Variants in USP45 observed in about 807,000 individuals in gnomAD.
USP45 encodes ubiquitin carboxyl-terminal hydrolase 45.
A neutral mutation model predicts 95.8 loss-of-function variants in USP45; 89 were observed. That is an observed-to-expected ratio of 0.93 (90% CI 0.78 to 1.11). The LOEUF (loss-of-function observed/expected upper bound fraction) is 1.11. Ranked by LOEUF, USP45 falls within the 50% of genes least tolerant of loss-of-function variation. USP45 has a pLI of 0.00. For synonymous variants in USP45, 281 were observed against 316.2 expected, an observed-to-expected ratio of 0.89 and a Z score of 1.18; for missense variants, 898 against 942.5, an observed-to-expected ratio of 0.95 and a Z score of 0.62.
chr6:99,452,303 A>C (rs1784058389), intron 13 of USP45, among the ~76,000 whole-genome samples: 1 of 152,242 alleles, frequency 6.6e-6, no homozygotes, highest in Admixed American at 6.5e-5. Flanking sequence ...AAATATCCAG[A>C]ATCTACAAAG....
intron 8 of USP45, among the ~76,000 whole-genome samples, chr6:99,479,512 C>T (rs1198907847): frequency 7.0e-6 from 1 of 143,178 alleles, no homozygotes; most frequent in African/African-American, 2.6e-5. Context: ...CAGTAGTACA[C>T]TTTAAATATG....
At chr6:99,476,737 A>G (rs1009407196) in intron 8 of USP45, among the ~76,000 whole-genome samples, 1 of 152,248 alleles carries the variant, frequency 6.6e-6, no homozygotes, top group Non-Finnish European at 1.5e-5. Flanking sequence ...CAGCTAGCAA[A>G]TAAACCAGTA....
intron 1 of USP45, 24 bp from the exon 2 acceptor site, chr6:99,510,254 T>A (rs769822097): frequency 1.3e-6 from 2 of 1,538,714 alleles, no homozygotes; most frequent in Admixed American, 1.8e-5. Flanking sequence ...GGGAAAAAAA[T>A]TCATACATTT....
Position 99,488,302 on chromosome 6 carries a change from G to C in USP45, c.619-7C>G. The C allele has an allele frequency of 1.3e-6, 2 of 1,579,176 alleles. No individual in the cohort carries two copies. Among genetic ancestry groups the C allele is most frequent in the African/African-American group, 2.7e-5 (2 of 73,774 alleles). ...TATAAGTCTGTGCCAAGTTCTAAAA[G>C]AAAACAAAATTAAAGTCTTCAGATT... On this transcript the variant is annotated splice_polypyrimidine_tract_variant and splice_region_variant and intron_variant, in intron 6 of 17. Transcript: ENST00000500704.
intron 7 of USP45, among the ~76,000 whole-genome samples, chr6:99,487,755 A>ACTGCACTCCAGC (rs1185927922): frequency 1.3e-5 from 2 of 151,892 alleles, no homozygotes; most frequent in African/African-American, 4.8e-5. Context: ...AGATCGCGCC[A>ACTGCACTCCAGC]CTGCACTCCA....
chr6:99,439,127 A>G (rs1456915755), intron 16 of USP45, among the ~76,000 whole-genome samples: 2 of 152,354 alleles, frequency 1.3e-5, no homozygotes, highest in South Asian at 2.1e-4. Flanking sequence ...TTCAATAAGC[A>G]TTCTATTACA....
At chr6:99,500,664 T>C (rs1008592896) in intron 5 of USP45, among the ~76,000 whole-genome samples, 1 of 152,188 alleles carries the variant, frequency 6.6e-6, no homozygotes, top group Non-Finnish European at 1.5e-5. Context: ...TTAATGCTCA[T>C]TTTTCAGCAG....
intron 5 of USP45, among the ~76,000 whole-genome samples, chr6:99,500,805 T>G (rs1797206167): frequency 6.6e-6 from 1 of 152,118 alleles, no homozygotes; most frequent in African/African-American, 2.4e-5. Context: ...TCAATAAATG[T>G]TTGTTGAATA....
At chr6:99,461,411 T>C in intron 13 of USP45, 1 of 985,432 alleles carries the variant, frequency 1.0e-6, no homozygotes, top group African/African-American at 1.7e-5. Flanking sequence ...TATATAGGCC[T>C]ATGGCTATTT....
intron 11 of USP45, 133 bp downstream of exon 11, chr6:99,466,539 C>G (rs1171276008): frequency 2.9e-6 from 2 of 691,090 alleles, no homozygotes; most frequent in Non-Finnish European, 5.0e-6. Context: ...TATAAAAAGA[C>G]TTTCAAGAAT....
chr6:99,450,458 C>A (rs1165793282), intron 13 of USP45, among the ~76,000 whole-genome samples: 1 of 152,190 alleles, frequency 6.6e-6, no homozygotes, highest in Non-Finnish European at 1.5e-5. Flanking sequence ...TTCCTCCACA[C>A]ATACACCCTC....
rs1164105206 is a variant in USP45 at position 99,468,622 on chromosome 6, T to C, written c.934-4A>G. 1 of 1,588,484 alleles carries C rather than the reference T, an allele frequency of 6.3e-7. No individual in the cohort carries two copies. Among genetic ancestry groups the C allele is most frequent in the East Asian group, 2.2e-5 (1 of 44,508 alleles). On this transcript the variant is annotated splice_polypyrimidine_tract_variant and splice_region_variant and intron_variant, in intron 9 of 17. Transcript: ENST00000500704. ...TTAGAATGCTAGCTTGTATTCGCTGTAAAACAAAGTTAATAGATTCTGGTC... is the reference window on the plus strand; with the variant it reads ...TTAGAATGCTAGCTTGTATTCGCTGCAAAACAAAGTTAATAGATTCTGGTC...
intron 15 of USP45, among the ~76,000 whole-genome samples, chr6:99,440,126 A>G (rs1357851941): frequency 2.6e-5 from 4 of 152,212 alleles, no homozygotes; most frequent in African/African-American, 9.6e-5. Flanking sequence ...ATGGAAAAAT[A>G]AATTCAATAT....
At position 99,434,017 on chromosome 6, in the gene USP45, TAAAC is replaced by T. The variant is rs1403343961; in HGVS notation, c.*1695_*1698del. The T allele has an allele frequency of 2.0e-5, 3 of 152,174 alleles. No homozygotes were observed. The highest frequency in any genetic ancestry group is 7.2e-5 in the African/African-American group (3 of 41,444). 9.4% of individuals were successfully genotyped at this position (152,174 alleles called of 1,614,324 possible). ...GATCTCCATGATAACAGATTACAGTTAAACAGAAAATGCTGTGAAATACCTTTTA... is the reference window on the plus strand; with the variant it reads ...GATCTCCATGATAACAGATTACAGTTAGAAAATGCTGTGAAATACCTTTTA... On this transcript the variant is annotated 3_prime_UTR_variant, in exon 18 of 18. Coordinates refer to ENST00000500704, the MANE Select transcript of USP45 (RefSeq NM_001346022.3).
intron 12 of USP45, 127 bp from the exon 13 acceptor site, chr6:99,464,874 AAG>A: frequency 8.3e-7 from 1 of 1,198,644 alleles, no homozygotes; most frequent in East Asian, 2.6e-5. Context: ...AAAAGTGTTT[AAG>A]AGTTTAAATT....
At chr6:99,455,375 C>G (rs1039076146) in intron 13 of USP45, among the ~76,000 whole-genome samples, 1 of 151,880 alleles carries the variant, frequency 6.6e-6, no homozygotes, top group Non-Finnish European at 1.5e-5. Flanking sequence ...CACTTGAACC[C>G]AGGAGGAAGA....
At chr6:99,486,745 T>C (rs1793986701) in intron 7 of USP45, among the ~76,000 whole-genome samples, 1 of 152,106 alleles carries the variant, frequency 6.6e-6, no homozygotes, top group African/African-American at 2.4e-5. Flanking sequence ...TTACTAAGCA[T>C]GTTTAGAGGG....
intron 8 of USP45, among the ~76,000 whole-genome samples, chr6:99,478,216 ATTTG>A (rs1351069597): frequency 7.0e-5 from 8 of 114,992 alleles, no homozygotes; most frequent in Admixed American, 1.1e-4. Flanking sequence ...ATAAACTTAG[ATTTG>A]TTTTTTTTTT....
intron 5 of USP45, among the ~76,000 whole-genome samples, chr6:99,497,039 A>G (rs1245212158): frequency 6.6e-6 from 1 of 152,162 alleles, no homozygotes; most frequent in Non-Finnish European, 1.5e-5. Flanking sequence ...AGTATCATAC[A>G]GAGTAGTTTT....
Sources: gnomAD v4.1 joint callset for allele counts (sites outside exome capture counted in the v4.1 genomes callset) on GRCh38, gnomAD v4.1.1 for gene constraint, MANE v1.5 for transcripts, NCBI Gene and HGNC (gene_info 2026-07-23, HGNC 2026-07-21) for gene names.